Variants in MPHOSPH6 observed in about 807,000 individuals in gnomAD.
The protein encoded by MPHOSPH6 is M-phase phosphoprotein 6.
MPHOSPH6 carries 25 observed loss-of-function variants against 21.8 expected under a neutral mutation model. The observed-to-expected ratio is 1.15, with a 90% CI of 0.83 to 1.60. MPHOSPH6 has a LOEUF of 1.60. Among genes scored for constraint, MPHOSPH6 ranks in the 40% most tolerant of loss-of-function variants. The pLI is 0.00. For synonymous variants in MPHOSPH6, 84 were observed against 56.5 expected, an observed-to-expected ratio of 1.49 and a Z score of -2.18; for missense variants, 269 against 181.8, an observed-to-expected ratio of 1.48 and a Z score of -2.76.
At chr16:82,155,181 G>C (rs1458283534) in intron 2 of MPHOSPH6, among the ~76,000 whole-genome samples, 1 of 152,090 alleles carries the variant, frequency 6.6e-6, no homozygotes, top group South Asian at 2.1e-4. Context: ...GAAAATAAAG[G>C]AGTATCTCTG....
intron 1 of MPHOSPH6, among the ~76,000 whole-genome samples, chr16:82,164,443 G>A (rs527531791): frequency 6.6e-6 from 1 of 152,360 alleles, no homozygotes; most frequent in South Asian, 2.1e-4. Context: ...TAAGGGCTAA[G>A]ACACCACATT....
At chr16:82,158,645 G>C (rs1369024040) in intron 2 of MPHOSPH6, among the ~76,000 whole-genome samples, 1 of 151,756 alleles carries the variant, frequency 6.6e-6, no homozygotes, top group African/African-American at 2.4e-5. Context: ...TTCTTTGGCA[G>C]ACATTTTCTT....
At chr16:82,162,327 T>C (rs907360082) in intron 2 of MPHOSPH6, 25 of 152,338 alleles carry the variant, frequency 1.6e-4, no homozygotes, top group African/African-American at 6.0e-4. Flanking sequence ...TTTAGAGTGT[T>C]AAAAACAACA....
chr16:82,161,658 T>C (rs1906611725), intron 2 of MPHOSPH6, among the ~76,000 whole-genome samples: 1 of 152,146 alleles, frequency 6.6e-6, no homozygotes, highest in South Asian at 2.1e-4. Context: ...GATGCCCTTC[T>C]AGGAAAACAG....
In MPHOSPH6 at chr16:82,160,149, C is replaced by T. The variant is rs527595303; in HGVS notation, c.164+3933G>A. On this transcript the variant is annotated intron_variant, in intron 2 of 4. Coordinates refer to ENST00000258169, the MANE Select transcript of MPHOSPH6 (RefSeq NM_005792.2). ...CGTATCTTTAATATAAAAAGGAGCA[C>T]AGGTGTTTTGTATCTACATGCATGG... Among the ~76,000 whole-genome samples the T allele has an allele frequency of 3.9e-5, 6 of 152,250 alleles. No homozygotes were observed. In the South Asian group the frequency reaches 1.2e-3, roughly 32 times the overall value.
At chr16:82,164,767 A>G (rs1046281085) in intron 1 of MPHOSPH6, 2 of 152,408 alleles carry the variant, frequency 1.3e-5, no homozygotes, top group Middle Eastern at 3.4e-3. Context: ...AGCCCGATAA[A>G]TGTAGGCAGA....
chr16:82,150,035 T>A (rs1244586809), intron 3 of MPHOSPH6, among the ~76,000 whole-genome samples: 1 of 151,558 alleles, frequency 6.6e-6, no homozygotes, highest in East Asian at 1.9e-4. Context: ...AAATGTGTAA[T>A]CTCTTCTTTT....
chr16:82,157,884 T>C (rs1906479064), intron 2 of MPHOSPH6, among the ~76,000 whole-genome samples: 1 of 152,154 alleles, frequency 6.6e-6, no homozygotes. Context: ...ATGGAGACAA[T>C]GCAGAGTAGT....
chr16:82,155,070 T>C (rs542831906), intron 2 of MPHOSPH6, among the ~76,000 whole-genome samples: 1 of 152,348 alleles, frequency 6.6e-6, no homozygotes, highest in African/African-American at 2.4e-5. Context: ...CAAAAGTCAA[T>C]AGTTTTCAAC....
chr16:82,154,068 T>G (rs1223705733), intron 2 of MPHOSPH6, among the ~76,000 whole-genome samples: 1 of 152,162 alleles, frequency 6.6e-6, no homozygotes, highest in Non-Finnish European at 1.5e-5. Flanking sequence ...CTCACAGGTT[T>G]CAGAGATGAA....
At chr16:82,158,968 A>G (rs74635588) in intron 2 of MPHOSPH6, among the ~76,000 whole-genome samples, 17,920 of 152,264 alleles carry the variant, frequency 0.12, 1,295 homozygotes, top group East Asian at 0.29. Context: ...GGAATACAAG[A>G]CAGACCAAGA....
At chr16:82,149,261 C>T (rs16956533) in intron 4 of MPHOSPH6, 48 bp downstream of exon 4, 226,066 of 1,573,142 alleles carry the variant, frequency 0.14, 21,359 homozygotes, top group Admixed American at 0.44. Flanking sequence ...CTGGGAGAGC[C>T]AATGAATGCT....
chr16:82,170,114 C>G lies in MPHOSPH6; in HGVS notation c.51+11G>C. ...CTACCGCCCGGAGTGGCGCTCTCAG[C>G]GTCCCCGCACCTTCATGCGCAGTAG... On this transcript the variant is annotated intron_variant, in intron 1 of 4. Transcript: ENST00000258169. 1.9e-6 allele frequency: 3 copies of G among 1,588,934 alleles called. No individual in the cohort carries two copies. Among genetic ancestry groups the G allele is most frequent in the Non-Finnish European group, 2.6e-6 (3 of 1,167,968 alleles).
At chr16:82,158,305 G>C (rs113807390) in intron 2 of MPHOSPH6, among the ~76,000 whole-genome samples, 1 of 149,452 alleles carries the variant, frequency 6.7e-6, no homozygotes, top group African/African-American at 2.5e-5. Flanking sequence ...TGGCTAATAC[G>C]ATGAAACCCT....
chr16:82,168,714 T>C (rs189113749), intron 1 of MPHOSPH6, among the ~76,000 whole-genome samples: 7 of 152,276 alleles, frequency 4.6e-5, no homozygotes, highest in Admixed American at 3.9e-4. Flanking sequence ...TTAAGCGATT[T>C]GTCTACCTCA....
intron 2 of MPHOSPH6, among the ~76,000 whole-genome samples, chr16:82,156,148 T>C (rs902766208): frequency 5.9e-5 from 9 of 152,022 alleles, no homozygotes; most frequent in Non-Finnish European, 1.3e-4. Flanking sequence ...TAGAAACTCA[T>C]CAAAAGACAA....
intron 2 of MPHOSPH6, among the ~76,000 whole-genome samples, chr16:82,152,928 A>C (rs1032897740): frequency 4.6e-5 from 7 of 152,204 alleles, no homozygotes; most frequent in Non-Finnish European, 1.0e-4. Flanking sequence ...TATTAAACCA[A>C]ACTGTGTGTA....
At position 82,148,622 on chromosome 16, in the gene MPHOSPH6, C is replaced by T. The variant is rs545393700; in HGVS notation, c.*109G>A. 1.8e-5 allele frequency: 23 copies of T among 1,313,884 alleles called. No homozygotes were observed. Among genetic ancestry groups the T allele is most frequent in the Non-Finnish European group, 2.3e-5 (22 of 973,032 alleles). 81.4% of individuals were successfully genotyped at this position (1,313,884 alleles called of 1,614,324 possible). On this transcript the variant is annotated 3_prime_UTR_variant, in exon 5 of 5. Transcript: ENST00000258169. ...TGTTTCTAAAATGATAATCTCTTTA[C>T]AAGTAAACGTTACAGTATTAATAAC...
intron 1 of MPHOSPH6, chr16:82,167,660 G>A (rs1906827684): frequency 6.5e-6 from 1 of 154,218 alleles, no homozygotes; most frequent in Non-Finnish European, 1.4e-5. Context: ...TAGAGCGCAA[G>A]GTAGATCCCT....
Sources: allele counts gnomAD v4.1 joint callset (sites outside exome capture counted in the v4.1 genomes callset), GRCh38; gene constraint gnomAD v4.1.1; transcripts MANE v1.5; gene names NCBI Gene and HGNC (gene_info 2026-07-23, HGNC 2026-07-21).